PLXNA4: variants seen among roughly 807,000 people sequenced by gnomAD.
PLXNA4 encodes plexin A4.
A neutral mutation model predicts 191.8 loss-of-function variants in PLXNA4; 44 were observed. That is an observed-to-expected ratio of 0.23 (90% CI 0.18 to 0.29). PLXNA4 has a LOEUF of 0.29. Among genes scored for constraint, PLXNA4 ranks in the 10% least tolerant of loss-of-function variants. The pLI is 1.00. For missense variants in PLXNA4, 1,800 were observed against 2,488.8 expected (o/e 0.72, Z 5.89); for synonymous variants, 1,082 against 1,009.5 (o/e 1.07, Z -1.36).
intron 7 of PLXNA4, 52 bp downstream of exon 7, chr7:132,227,396 CCTT>C: frequency 1.9e-6 from 3 of 1,609,148 alleles, no homozygotes; most frequent in Non-Finnish European, 2.5e-6. Flanking sequence ...CCTGAGTTCT[CCTT>C]ATCTAGCCAG....
At chr7:132,646,246 C>T (rs188981848) in intron 1 of PLXNA4, among the ~76,000 whole-genome samples, 313 of 152,154 alleles carry the variant, frequency 2.1e-3, no homozygotes, top group Non-Finnish European at 3.7e-3. Flanking sequence ...CGGACTCTCT[C>T]GGGATGAGTC....
intron 3 of PLXNA4, among the ~76,000 whole-genome samples, chr7:132,410,249 A>C (rs1193077186): frequency 6.6e-6 from 1 of 151,530 alleles, no homozygotes; most frequent in African/African-American, 2.4e-5. Context: ...CTCTTTACAG[A>C]CAGGACTGAG....
intron 2 of PLXNA4, among the ~76,000 whole-genome samples, chr7:132,490,324 A>G (rs1056433685): frequency 6.6e-6 from 1 of 151,880 alleles, no homozygotes; most frequent in Admixed American, 6.6e-5. Flanking sequence ...ATTCATAACG[A>G]TTAGTTACAT....
At chr7:132,327,037 A>AGAGGGAGGGAGAGAAGAAAG (rs201628523) in intron 3 of PLXNA4, among the ~76,000 whole-genome samples, 4,758 of 92,062 alleles carry the variant, frequency 0.052, 173 homozygotes, top group Middle Eastern at 0.078. Context: ...AAGGAAGAAA[A>AGAGGGAGGGAGAGAAGAAAG]GAGGGAGGGA....
intron 2 of PLXNA4, among the ~76,000 whole-genome samples, chr7:132,495,375 T>C (rs1797972262): frequency 6.6e-6 from 1 of 152,164 alleles, no homozygotes; most frequent in Non-Finnish European, 1.5e-5. Context: ...CACAGTCTCT[T>C]CCATAGCCAC....
intron 3 of PLXNA4, among the ~76,000 whole-genome samples, chr7:132,413,149 C>T (rs1794527755): frequency 6.6e-6 from 1 of 152,166 alleles, no homozygotes; most frequent in Admixed American, 6.5e-5. Context: ...GAGTGTTACA[C>T]AGAGGTAAAC....
intron 3 of PLXNA4, among the ~76,000 whole-genome samples, chr7:132,419,986 T>A (rs1250919316): frequency 6.6e-6 from 1 of 152,116 alleles, no homozygotes; most frequent in Non-Finnish European, 1.5e-5. Context: ...TCAGAGGTGA[T>A]CTGGATTTGG....
intron 3 of PLXNA4, among the ~76,000 whole-genome samples, chr7:132,409,035 C>G (rs1794342977): frequency 6.6e-6 from 1 of 152,168 alleles, no homozygotes; most frequent in African/African-American, 2.4e-5. Flanking sequence ...AAGTAAAACA[C>G]TGTAATCATC....
At chr7:132,298,000 T>C in intron 4 of PLXNA4, 91 bp downstream of exon 4, 1 of 1,510,644 alleles carries the variant, frequency 6.6e-7, no homozygotes, top group Non-Finnish European at 9.2e-7. Flanking sequence ...TCAAATCACC[T>C]CTCTGCAGCT....
At chr7:132,286,013 C>A (rs1467239827) in intron 4 of PLXNA4, among the ~76,000 whole-genome samples, 3 of 150,894 alleles carry the variant, frequency 2.0e-5, no homozygotes, top group African/African-American at 7.3e-5. Context: ...CTTGTAATGA[C>A]CTCACTCAAA....
chr7:132,546,559 G>A (rs1440894249), intron 1 of PLXNA4, among the ~76,000 whole-genome samples: 2 of 152,192 alleles, frequency 1.3e-5, no homozygotes, highest in Non-Finnish European at 2.9e-5. Flanking sequence ...TGAGACTCAG[G>A]AACAGAAGGG....
intron 2 of PLXNA4, among the ~76,000 whole-genome samples, chr7:132,620,804 G>T (rs992352217): frequency 2.6e-5 from 4 of 152,026 alleles, no homozygotes; most frequent in African/African-American, 9.7e-5. Flanking sequence ...TGTCTTAGTC[G>T]TTCGGGCTGC....
At chr7:132,225,510 A>G (rs975126569) in intron 8 of PLXNA4, among the ~76,000 whole-genome samples, 2 of 152,202 alleles carry the variant, frequency 1.3e-5, no homozygotes, top group African/African-American at 4.8e-5. Context: ...TGGTCCGGCT[A>G]CAGAGCCAGA....
At chr7:132,636,962 C>T (rs1027670837) in intron 2 of PLXNA4, among the ~76,000 whole-genome samples, 12 of 152,142 alleles carry the variant, frequency 7.9e-5, no homozygotes, top group African/African-American at 2.9e-4. Flanking sequence ...CCCCAATATG[C>T]ACGTCCTCCC....
intron 4 of PLXNA4, among the ~76,000 whole-genome samples, chr7:132,265,355 G>GATA (rs1799809205): frequency 2.0e-5 from 3 of 152,160 alleles, no homozygotes; most frequent in Non-Finnish European, 4.4e-5. Context: ...TCTATCCCAA[G>GATA]CTAAGTACTG....
At chr7:132,411,713 G>C (rs1182870148) in intron 3 of PLXNA4, among the ~76,000 whole-genome samples, 1 of 152,124 alleles carries the variant, frequency 6.6e-6, no homozygotes, top group East Asian at 1.9e-4. Context: ...CCGTGTGAGG[G>C]AGAAGAAAAG....
At chr7:132,246,030 A>G (rs1187242039) in intron 4 of PLXNA4, among the ~76,000 whole-genome samples, 1 of 152,228 alleles carries the variant, frequency 6.6e-6, no homozygotes, top group African/African-American at 2.4e-5. Context: ...TTGCACCACA[A>G]TGTGAGTGTA....
intron 1 of PLXNA4, among the ~76,000 whole-genome samples, chr7:132,557,248 G>A (rs1800840115): frequency 6.6e-6 from 1 of 152,174 alleles, no homozygotes; most frequent in South Asian, 2.1e-4. Flanking sequence ...GAGAAGCAAT[G>A]AGCTCTCCAT....
At chr7:132,272,576 T>G (rs1431944515) in intron 4 of PLXNA4, among the ~76,000 whole-genome samples, 1 of 152,220 alleles carries the variant, frequency 6.6e-6, no homozygotes, top group Non-Finnish European at 1.5e-5. Context: ...TCAGTTGGTC[T>G]CTTTCATTTA....
Sources: allele counts gnomAD v4.1 joint callset (sites outside exome capture counted in the v4.1 genomes callset), GRCh38; gene constraint gnomAD v4.1.1; transcripts MANE v1.5; gene names NCBI Gene and HGNC (gene_info 2026-07-23, HGNC 2026-07-21).